MINDY3: variants seen among roughly 807,000 people sequenced by gnomAD.
MINDY3 encodes MINDY lysine 48 deubiquitinase 3, also known as ubiquitin carboxyl-terminal hydrolase MINDY-3.
In MINDY3, 38 loss-of-function variants were observed where a neutral mutation model predicts 69.2. The observed-to-expected ratio is 0.55, with a 90% CI of 0.42 to 0.72. The LOEUF is 0.72. MINDY3 is among the 30% of genes least tolerant of loss of function. The probability of loss-of-function intolerance (pLI) is 0.00; values close to 1 mark genes in which losing one functional copy is unlikely to be tolerated. For synonymous variants in MINDY3, 192 were observed against 180.1 expected (o/e 1.07, Z -0.53); for missense variants, 522 against 519.0 (o/e 1.01, Z -0.06).
chr10:15,810,232 T>A (rs897933766), intron 10 of MINDY3, among the ~76,000 whole-genome samples: 2 of 152,260 alleles, frequency 1.3e-5, no homozygotes, highest in African/African-American at 4.8e-5. Flanking sequence ...TAGTGCCCTT[T>A]AAAAAAATTA....
chr10:15,820,102 A>G (rs1839652663), intron 9 of MINDY3, among the ~76,000 whole-genome samples: 1 of 152,180 alleles, frequency 6.6e-6, no homozygotes, highest in Non-Finnish European at 1.5e-5. Flanking sequence ...AAGTAAACAA[A>G]AAGTGTCATT....
intron 10 of MINDY3, among the ~76,000 whole-genome samples, chr10:15,813,584 A>G (rs761007508): frequency 1.7e-4 from 26 of 152,286 alleles, no homozygotes; most frequent in African/African-American, 6.3e-4. Flanking sequence ...GAACAGACCC[A>G]TATCTATTTT....
intron 10 of MINDY3, among the ~76,000 whole-genome samples, chr10:15,805,993 T>G (rs765514403): frequency 1.3e-4 from 20 of 152,124 alleles, no homozygotes; most frequent in Admixed American, 7.9e-4. Flanking sequence ...AATTCCTTTT[T>G]GCCATCACCA....
At position 15,778,736 on chromosome 10, in the gene MINDY3, T is replaced by G. The variant is rs1836288329; in HGVS notation, c.*256A>C. 9.2e-6 allele frequency: 3 copies of G among 326,428 alleles called. No individual in the cohort carries two copies. The highest frequency in any genetic ancestry group is 7.4e-5 in the South Asian group (1 of 13,534). 20.2% of individuals were successfully genotyped at this position (326,428 alleles called of 1,614,324 possible). Reference sequence around the variant, plus strand: ...GTAAGTAAATGACCAAGTATCTGAATGCAAAAGTGATGAACTTTGATGAAA... The same window carrying G: ...GTAAGTAAATGACCAAGTATCTGAAGGCAAAAGTGATGAACTTTGATGAAA... On this transcript the variant is annotated 3_prime_UTR_variant, in exon 15 of 15. Transcript: ENST00000277632.
intron 13 of MINDY3, among the ~76,000 whole-genome samples, chr10:15,782,818 T>C (rs1392478012): frequency 6.6e-6 from 1 of 152,168 alleles, no homozygotes; most frequent in Non-Finnish European, 1.5e-5. Flanking sequence ...AGAAAGGATA[T>C]CCTATATATC....
chr10:15,794,882 T>G (rs1017301698), intron 11 of MINDY3, among the ~76,000 whole-genome samples: 3 of 152,080 alleles, frequency 2.0e-5, no homozygotes, highest in Non-Finnish European at 2.9e-5. Context: ...TTCTAAAGTT[T>G]AGGGCTCCTA....
intron 9 of MINDY3, among the ~76,000 whole-genome samples, chr10:15,820,049 T>C (rs1372702974): frequency 2.0e-5 from 3 of 152,064 alleles, no homozygotes; most frequent in Admixed American, 6.6e-5. Flanking sequence ...CTATATTCCA[T>C]TAGGGAAGAC....
intron 1 of MINDY3, among the ~76,000 whole-genome samples, chr10:15,859,960 G>T (rs1834977156): frequency 6.6e-6 from 1 of 152,220 alleles, no homozygotes; most frequent in South Asian, 2.1e-4. Flanking sequence ...CTCCCCAGCC[G>T]AAGGGCAGCC....
intron 1 of MINDY3, among the ~76,000 whole-genome samples, chr10:15,852,999 T>C (rs1834411425): frequency 1.3e-5 from 2 of 151,970 alleles, no homozygotes; most frequent in South Asian, 4.2e-4. Flanking sequence ...GTAGGGGAAG[T>C]CGTGTGTAGG....
chr10:15,847,644 C>T (rs991793078), intron 2 of MINDY3, among the ~76,000 whole-genome samples: 9 of 152,128 alleles, frequency 5.9e-5, no homozygotes, highest in African/African-American at 2.2e-4. Flanking sequence ...TATTATTTTT[C>T]CTTGAAAATA....
chr10:15,852,615 C>A (rs1834382496), intron 1 of MINDY3, among the ~76,000 whole-genome samples: 2 of 152,092 alleles, frequency 1.3e-5, no homozygotes, highest in South Asian at 4.1e-4. Flanking sequence ...TCAACTATTA[C>A]AAATGCTGCT....
intron 10 of MINDY3, among the ~76,000 whole-genome samples, chr10:15,801,337 A>C (rs1838244268): frequency 6.6e-6 from 1 of 152,144 alleles, no homozygotes; most frequent in Non-Finnish European, 1.5e-5. Flanking sequence ...CAAGCTTTGA[A>C]GGGAAAAGAT....
intron 10 of MINDY3, among the ~76,000 whole-genome samples, chr10:15,797,600 C>T (rs577113201): frequency 3.3e-5 from 5 of 152,178 alleles, no homozygotes; most frequent in East Asian, 3.9e-4. Context: ...ACATCATAAA[C>T]GTGCAGTTAT....
At chr10:15,852,846 GA>G (rs984876862) in intron 1 of MINDY3, among the ~76,000 whole-genome samples, 3 of 151,904 alleles carry the variant, frequency 2.0e-5, no homozygotes, top group African/African-American at 7.3e-5. Context: ...TTGAGGGTGG[GA>G]AAAAAACGAT....
intron 10 of MINDY3, among the ~76,000 whole-genome samples, chr10:15,800,318 C>T (rs2131901651): frequency 6.6e-6 from 1 of 152,210 alleles, no homozygotes; most frequent in South Asian, 2.1e-4. Context: ...GCACCACTCA[C>T]AGTCAAGAGA....
intron 14 of MINDY3, among the ~76,000 whole-genome samples, chr10:15,779,716 C>A (rs1564444856): frequency 6.6e-6 from 1 of 151,864 alleles, no homozygotes; most frequent in Non-Finnish European, 1.5e-5. Context: ...TTCTGTACAG[C>A]ATGAAAAATC....
chr10:15,784,057 A>T (rs1836761532), intron 13 of MINDY3, among the ~76,000 whole-genome samples: 1 of 152,136 alleles, frequency 6.6e-6, no homozygotes, highest in South Asian at 2.1e-4. Context: ...TCTAATCTTC[A>T]ATTTCCTCAT....
chr10:15,838,875 T>C (rs537489979), intron 4 of MINDY3, among the ~76,000 whole-genome samples: 3 of 151,892 alleles, frequency 2.0e-5, no homozygotes, highest in Admixed American at 6.6e-5. Flanking sequence ...GTAATGTTTA[T>C]TGAGCACTTT....
At chr10:15,815,751 T>G (rs1207283697) in intron 10 of MINDY3, among the ~76,000 whole-genome samples, 1 of 152,174 alleles carries the variant, frequency 6.6e-6, no homozygotes, top group Non-Finnish European at 1.5e-5. Context: ...ATACTTTGTA[T>G]TTAAGCCTGA....
Sources: gnomAD v4.1 joint callset for allele counts (sites outside exome capture counted in the v4.1 genomes callset) on GRCh38, gnomAD v4.1.1 for gene constraint, MANE v1.5 for transcripts, NCBI Gene and HGNC (gene_info 2026-07-23, HGNC 2026-07-21) for gene names.